The following WDR49 variants were observed in gnomAD, a reference collection of about 807,000 sequenced individuals.
The protein encoded by WDR49 is cilia- and flagella-associated protein 337.
A neutral mutation model predicts 119.5 loss-of-function variants in WDR49; 107 were observed. The observed-to-expected ratio is 0.90, with a 90% CI of 0.77 to 1.05. The LOEUF (loss-of-function observed/expected upper bound fraction) is 1.05, where lower values mean the gene tolerates loss of function less well. Among genes scored for constraint, WDR49 ranks in the 50% least tolerant of loss-of-function variants. The pLI is 0.00. For missense variants in WDR49, 1,240 were observed against 1,220.5 expected, an observed-to-expected ratio of 1.02 and a Z score of -0.24; for synonymous variants, 425 against 418.8, an observed-to-expected ratio of 1.01 and a Z score of -0.18.
intron 17 of WDR49, among the ~76,000 whole-genome samples, chr3:167,502,559 A>C (rs1751614438): frequency 6.6e-6 from 1 of 152,200 alleles, no homozygotes; most frequent in African/African-American, 2.4e-5. Flanking sequence ...ACAGTGAAGT[A>C]CAGGCTGACA....
At position 167,500,265 on chromosome 3, in the gene WDR49, TTC is replaced by T; in HGVS notation, c.2917_2918del (p.Glu973ArgfsTer4). ...CAGGTTTATTCACTTCAGGCAGCTC[TTC>T]CAGGGCTCCAATGTTTAATGACCTA... is the stretch of plus-strand genomic sequence containing the variant. ...TFRSLNIGALEELPEVNKPAF... is the reference protein window; with the variant it reads ...TFRSLNIGALXELPEVNKPAF... On this transcript the variant is annotated frameshift_variant, in exon 18 of 19. Coordinates refer to ENST00000682715, the MANE Select transcript of WDR49 (RefSeq NM_001366157.1). LOFTEE classifies it high-confidence loss of function. 6.2e-7 allele frequency: 1 copy of T among 1,606,222 alleles called. No individual in the cohort carries two copies. The highest frequency in any genetic ancestry group is 8.5e-7 in the Non-Finnish European group (1 of 1,177,556).
intron 15 of WDR49, among the ~76,000 whole-genome samples, chr3:167,523,833 G>A (rs1752542178): frequency 6.6e-6 from 1 of 152,054 alleles, no homozygotes; most frequent in African/African-American, 2.4e-5. Flanking sequence ...CTTTGCTATT[G>A]TAAATAGTGC....
chr3:167,522,236 A>C lies in WDR49; in HGVS notation c.2774+79T>G, dbSNP rs553006476. The C allele has an allele frequency of 4.3e-6, 6 of 1,393,184 alleles. No individual in the cohort carries two copies. In the African/African-American group the frequency reaches 8.8e-5, roughly 21 times the overall value. The allele number at this position is 1,393,184 out of a possible 1,614,324, so 86.3% of individuals were successfully genotyped here. A position where few individuals can be genotyped will look rare whatever the true frequency, so the allele number is the denominator to read the frequency against. On this transcript the variant is annotated intron_variant, in intron 16 of 18. Coordinates refer to ENST00000682715, the MANE Select transcript of WDR49 (RefSeq NM_001366157.1). Reference sequence around the variant, plus strand: ...AGTCATTGAACATTCCACAGAGGACACAAGGAAATTTGGACCAATCTTATC... The same window carrying C: ...AGTCATTGAACATTCCACAGAGGACCCAAGGAAATTTGGACCAATCTTATC...
intron 13 of WDR49, 93 bp from the exon 14 acceptor site, chr3:167,529,332 G>T: frequency 1.7e-6 from 2 of 1,183,428 alleles, no homozygotes; most frequent in South Asian, 1.6e-5. Context: ...AGCATGTGAT[G>T]TTGAAGAGGT....
At chr3:167,538,675 C>A (rs186103002) in intron 10 of WDR49, among the ~76,000 whole-genome samples, 30 of 152,164 alleles carry the variant, frequency 2.0e-4, no homozygotes, top group Admixed American at 1.6e-3. Flanking sequence ...ACAGAGCCGT[C>A]AGCATAAAAT....
intron 7 of WDR49, among the ~76,000 whole-genome samples, chr3:167,595,560 C>T (rs897972237): frequency 2.0e-5 from 3 of 152,090 alleles, no homozygotes; most frequent in African/African-American, 7.2e-5. Flanking sequence ...TCAGAAATAA[C>T]ATTGCATATC....
At chr3:167,608,784 G>GT (rs1716185211) in intron 5 of WDR49, among the ~76,000 whole-genome samples, 1 of 152,004 alleles carries the variant, frequency 6.6e-6, no homozygotes, top group Admixed American at 6.6e-5. Context: ...AATATTCTCA[G>GT]TAAGTTTTGG....
intron 9 of WDR49, among the ~76,000 whole-genome samples, chr3:167,557,956 T>A (rs984568069): frequency 1.3e-5 from 2 of 151,840 alleles, no homozygotes; most frequent in African/African-American, 4.8e-5. Context: ...TAGGCTGCCA[T>A]CAAGAAACAA....
intron 7 of WDR49, among the ~76,000 whole-genome samples, chr3:167,601,765 A>T (rs1715783549): frequency 1.3e-5 from 2 of 152,168 alleles, no homozygotes; most frequent in Admixed American, 1.3e-4. Flanking sequence ...AATAATATTT[A>T]ATTGCCTATG....
intron 16 of WDR49, among the ~76,000 whole-genome samples, chr3:167,510,228 C>G (rs1038607388): frequency 7.2e-5 from 11 of 152,150 alleles, no homozygotes; most frequent in African/African-American, 2.7e-4. Flanking sequence ...ACTAAAAATA[C>G]AAAAATGAGC....
At chr3:167,506,022 T>C (rs73878732) in intron 16 of WDR49, among the ~76,000 whole-genome samples, 4,596 of 152,306 alleles carry the variant, frequency 0.03, 212 homozygotes, top group African/African-American at 0.1. Context: ...TTCACTGTCA[T>C]AGACTTCAAC....
intron 17 of WDR49, among the ~76,000 whole-genome samples, chr3:167,501,265 C>T (rs927132579): frequency 5.3e-5 from 8 of 152,298 alleles, no homozygotes; most frequent in Admixed American, 2.6e-4. Flanking sequence ...GCCATTAAGA[C>T]AGATGAGGAA....
At chr3:167,513,008 A>G (rs1445463987) in intron 16 of WDR49, among the ~76,000 whole-genome samples, 1 of 152,216 alleles carries the variant, frequency 6.6e-6, no homozygotes, top group Non-Finnish European at 1.5e-5. Flanking sequence ...GAGAGAATGG[A>G]AACAAGTTGG....
At chr3:167,489,780 T>C (rs1751061389) in intron 18 of WDR49, among the ~76,000 whole-genome samples, 1 of 152,150 alleles carries the variant, frequency 6.6e-6, no homozygotes, top group Admixed American at 6.6e-5. Flanking sequence ...GGCAGCTATG[T>C]AATGTACTAT....
At chr3:167,578,634 A>C (rs1714375149) in intron 7 of WDR49, among the ~76,000 whole-genome samples, 1 of 152,126 alleles carries the variant, frequency 6.6e-6, no homozygotes, top group South Asian at 2.1e-4. Flanking sequence ...TTGACCCACT[A>C]ATTTAACACT....
chr3:167,521,905 G>C (rs1421495380), intron 16 of WDR49, among the ~76,000 whole-genome samples: 1 of 151,974 alleles, frequency 6.6e-6, no homozygotes, highest in Non-Finnish European at 1.5e-5. Flanking sequence ...TTGAACTTTT[G>C]TCACATAAAC....
rs918281378 is a variant in WDR49 at position 167,620,385 on chromosome 3, G to T, written c.958+44C>A. 41 of 1,505,802 alleles carry T rather than the reference G, an allele frequency of 2.7e-5. 1 individual carries two copies. The highest frequency in any genetic ancestry group is 2.8e-5 in the Non-Finnish European group (32 of 1,127,414). The allele number at this position is 1,505,802 out of a possible 1,614,324, so 93.3% of individuals were successfully genotyped here. On this transcript the variant is annotated intron_variant, in intron 5 of 18. Transcript: ENST00000682715. Reference sequence around the variant, plus strand: ...TTCATCAAAGAATATAAATGTACAAGTCAGAGGTGACCATTTACTTTCATT... The same window carrying T: ...TTCATCAAAGAATATAAATGTACAATTCAGAGGTGACCATTTACTTTCATT...
intron 5 of WDR49, among the ~76,000 whole-genome samples, chr3:167,606,983 G>A (rs1446116302): frequency 6.6e-6 from 1 of 152,112 alleles, no homozygotes; most frequent in Non-Finnish European, 1.5e-5. Flanking sequence ...CGCAGGGACA[G>A]CCATGTAAAA....
chr3:167,534,277 A>C (rs1752948432), intron 11 of WDR49, among the ~76,000 whole-genome samples: 1 of 152,160 alleles, frequency 6.6e-6, no homozygotes, highest in Non-Finnish European at 1.5e-5. Flanking sequence ...GTCCATAGAA[A>C]TATCCATCTT....
Sources: allele counts gnomAD v4.1 joint callset (sites outside exome capture counted in the v4.1 genomes callset), GRCh38; gene constraint gnomAD v4.1.1; transcripts MANE v1.5; gene names NCBI Gene and HGNC (gene_info 2026-07-23, HGNC 2026-07-21).